The following NTM variants were observed in gnomAD, a reference collection of about 807,000 sequenced individuals.
NTM encodes the protein neurotrimin.
Under a neutral mutation model 42.1 loss-of-function variants are expected in NTM, and 13 were observed. The ratio of observed to expected loss-of-function variants is 0.31; its 90% CI spans 0.20 to 0.49. The LOEUF (loss-of-function observed/expected upper bound fraction) is 0.49, where lower values mean the gene tolerates loss of function less well. NTM is among the 20% of genes least tolerant of loss of function. The probability of loss-of-function intolerance (pLI) is 0.99; values close to 1 mark genes in which losing one functional copy is unlikely to be tolerated. For synonymous variants in NTM, 187 were observed against 179.2 expected (o/e 1.04, Z -0.35); for missense variants, 373 against 452.8 (o/e 0.82, Z 1.60).
At chr11:131,647,199 G>C (rs373173738) in intron 1 of NTM, among the ~76,000 whole-genome samples, 192 of 152,330 alleles carry the variant, frequency 1.3e-3, no homozygotes, top group African/African-American at 4.4e-3. Flanking sequence ...AAATAGCAAG[G>C]CAAGTCCTGG....
At chr11:131,716,419 G>A (rs140121499) in intron 1 of NTM, among the ~76,000 whole-genome samples, 109 of 152,262 alleles carry the variant, frequency 7.2e-4, no homozygotes, top group African/African-American at 2.4e-3. Flanking sequence ...CATATCGTAG[G>A]TGTATATTTA....
intron 1 of NTM, among the ~76,000 whole-genome samples, chr11:131,414,044 A>G (rs181431826): frequency 2.0e-5 from 3 of 152,196 alleles, no homozygotes; most frequent in African/African-American, 7.2e-5. Context: ...CTGAACCTCA[A>G]TTCATCGGCC....
At chr11:131,737,038 G>A (rs923610428) in intron 1 of NTM, among the ~76,000 whole-genome samples, 8 of 152,242 alleles carry the variant, frequency 5.3e-5, no homozygotes, top group Non-Finnish European at 7.3e-5. Context: ...TAGGCATGGC[G>A]GTGCTGTACA....
At chr11:131,952,067 T>C (rs958128981) in intron 2 of NTM, among the ~76,000 whole-genome samples, 14 of 152,070 alleles carry the variant, frequency 9.2e-5, no homozygotes, top group African/African-American at 3.4e-4. Flanking sequence ...TTCCTCTGTG[T>C]CCTTGCTTAT....
At chr11:131,417,323 C>T (rs1468681470) in intron 1 of NTM, among the ~76,000 whole-genome samples, 1 of 152,176 alleles carries the variant, frequency 6.6e-6, no homozygotes, top group Non-Finnish European at 1.5e-5. Flanking sequence ...GACTCAGACC[C>T]CTCTGATCTA....
At chr11:131,630,672 C>T (rs958453391) in intron 1 of NTM, among the ~76,000 whole-genome samples, 36 of 152,298 alleles carry the variant, frequency 2.4e-4, no homozygotes, top group Admixed American at 1.1e-3. Flanking sequence ...CCGATAGGCT[C>T]TTTTAGAAAC....
chr11:131,794,526 A>AATC, intron 1 of NTM: 7 of 984,348 alleles, frequency 7.1e-6, no homozygotes, highest in Non-Finnish European at 8.4e-6. Flanking sequence ...AAAGAATTTT[A>AATC]CTCCTTGCTG....
At chr11:131,925,717 G>A (rs988570562) in intron 2 of NTM, among the ~76,000 whole-genome samples, 1 of 152,146 alleles carries the variant, frequency 6.6e-6, no homozygotes, top group Non-Finnish European at 1.5e-5. Flanking sequence ...GAGAAACCAG[G>A]TGGTGGAGAA....
intron 2 of NTM, among the ~76,000 whole-genome samples, chr11:132,067,815 G>A (rs1049953734): frequency 1.3e-5 from 2 of 152,174 alleles, no homozygotes; most frequent in Admixed American, 1.3e-4. Flanking sequence ...ATGAAGGGTA[G>A]CACATGTTTG....
At chr11:131,619,293 A>G (rs544663531) in intron 1 of NTM, among the ~76,000 whole-genome samples, 21 of 152,268 alleles carry the variant, frequency 1.4e-4, no homozygotes, top group Admixed American at 2.6e-4. Context: ...CCATAAAATA[A>G]TAGGGGGAGG....
chr11:132,114,819 G>GT lies in NTM; in HGVS notation c.168-31463_168-31462insT, dbSNP rs1202504211. Among the ~76,000 whole-genome samples, 11 of 152,282 alleles carry GT rather than the reference G, an allele frequency of 7.2e-5. No individual in the cohort carries two copies. In the East Asian group the frequency reaches 1.9e-3, roughly 27 times the overall value. ...CCAGGGGCATAGACATTCTACAAAT[G>GT]CCTACATTTTCTTTATCCAGTCATC... On this transcript the variant is annotated intron_variant, in intron 2 of 8. Transcript: ENST00000683400.
At chr11:132,014,040 C>T (rs1208065247) in intron 2 of NTM, among the ~76,000 whole-genome samples, 3 of 151,950 alleles carry the variant, frequency 2.0e-5, no homozygotes, top group Non-Finnish European at 4.4e-5. Context: ...TCTTCATACC[C>T]TTCCTCTCCA....
At chr11:131,515,775 A>G (rs141696728) in intron 1 of NTM, among the ~76,000 whole-genome samples, 1 of 152,344 alleles carries the variant, frequency 6.6e-6, no homozygotes, top group African/African-American at 2.4e-5. Flanking sequence ...GTTTAAGTGT[A>G]GAAATGAGAA....
At chr11:131,372,652 A>G (rs1228698237) in intron 1 of NTM, among the ~76,000 whole-genome samples, 3 of 152,082 alleles carry the variant, frequency 2.0e-5, no homozygotes, top group Non-Finnish European at 4.4e-5. Flanking sequence ...AGTCATTTCT[A>G]TCTGTCCCGA....
intron 4 of NTM, among the ~76,000 whole-genome samples, chr11:132,305,452 T>G (rs1249261015): frequency 6.6e-6 from 1 of 152,218 alleles, no homozygotes. Context: ...TAAATTACAC[T>G]GGTAATTCGA....
At chr11:131,632,673 C>CTT (rs529612626) in intron 1 of NTM, among the ~76,000 whole-genome samples, 3 of 83,060 alleles carry the variant, frequency 3.6e-5, no homozygotes, top group African/African-American at 1.5e-4. Context: ...GCTCGGGCAG[C>CTT]TTTTTTTTTT....
intron 1 of NTM, among the ~76,000 whole-genome samples, chr11:131,839,984 C>G (rs2136661457): frequency 1.3e-5 from 2 of 152,300 alleles, no homozygotes; most frequent in Middle Eastern, 3.4e-3. Flanking sequence ...ACCTGGACAA[C>G]TGGAGGATGG....
intron 1 of NTM, among the ~76,000 whole-genome samples, chr11:131,848,720 A>G (rs756126355): frequency 2.6e-5 from 4 of 152,084 alleles, no homozygotes; most frequent in Non-Finnish European, 5.9e-5. Flanking sequence ...TCTCATTCCA[A>G]CTCTAGGCTG....
At chr11:131,726,183 A>G (rs1249336222) in intron 1 of NTM, among the ~76,000 whole-genome samples, 2 of 152,206 alleles carry the variant, frequency 1.3e-5, no homozygotes, top group Non-Finnish European at 2.9e-5. Flanking sequence ...TGGAAAGAAT[A>G]TAAAGAGGTC....
Sources: gnomAD v4.1 joint callset for allele counts (sites outside exome capture counted in the v4.1 genomes callset) on GRCh38, gnomAD v4.1.1 for gene constraint, MANE v1.5 for transcripts, NCBI Gene and HGNC (gene_info 2026-07-23, HGNC 2026-07-21) for gene names.